The following SRGAP1 variants were observed in gnomAD, a reference collection of about 807,000 sequenced individuals.
SRGAP1 encodes the protein SLIT-ROBO Rho GTPase-activating protein 1.
A neutral mutation model predicts 121.9 loss-of-function variants in SRGAP1; 43 were observed. That is an observed-to-expected ratio of 0.35 (90% CI 0.28 to 0.46). SRGAP1 has a LOEUF of 0.46. Among genes scored for constraint, SRGAP1 ranks in the 20% least tolerant of loss-of-function variants. SRGAP1 has a pLI of 1.00. For missense variants in SRGAP1, 1,102 were observed against 1,350.9 expected, an observed-to-expected ratio of 0.82 and a Z score of 2.89; for synonymous variants, 447 against 485.4, an observed-to-expected ratio of 0.92 and a Z score of 1.04.
intron 1 of SRGAP1, among the ~76,000 whole-genome samples, chr12:63,903,980 A>G (rs1002935205): frequency 1.3e-5 from 2 of 152,150 alleles, no homozygotes; most frequent in African/African-American, 4.8e-5. Context: ...AATATTTTAT[A>G]TACTATATAT....
chr12:63,930,886 A>T (rs572815422), intron 1 of SRGAP1, among the ~76,000 whole-genome samples: 2 of 152,190 alleles, frequency 1.3e-5, no homozygotes. Context: ...TTTCCCATAA[A>T]TGTTCAATTT....
intron 2 of SRGAP1, among the ~76,000 whole-genome samples, chr12:63,987,003 G>GTT (rs1474550909): frequency 6.6e-6 from 1 of 152,192 alleles, no homozygotes; most frequent in Non-Finnish European, 1.5e-5. Context: ...CCAGACTTGG[G>GTT]TTTGAATATT....
chr12:63,889,138 ATATC>A (rs1254075617), intron 1 of SRGAP1, among the ~76,000 whole-genome samples: 1 of 152,120 alleles, frequency 6.6e-6, no homozygotes, highest in Non-Finnish European at 1.5e-5. Flanking sequence ...CATGGGGACA[ATATC>A]TATCTGCAAG....
Position 64,146,645 on chromosome 12 carries a change from A to G in SRGAP1, c.*3973A>G, listed in dbSNP as rs1242052302. The G allele has an allele frequency of 6.6e-6, 1 of 152,168 alleles. No individual in the cohort carries two copies. Among genetic ancestry groups the G allele is most frequent in the East Asian group, 1.9e-4 (1 of 5,182 alleles). The allele number at this position is 152,168 out of a possible 1,614,324, so 9.4% of individuals were successfully genotyped here. ...TGTGCAGGAAATGTGCTTAGGACTCAGTCTTGTTTTCGATTATCCACCACA... is the reference window on the plus strand; with the variant it reads ...TGTGCAGGAAATGTGCTTAGGACTCGGTCTTGTTTTCGATTATCCACCACA... On this transcript the variant is annotated 3_prime_UTR_variant, in exon 22 of 22. Transcript: ENST00000355086.
intron 1 of SRGAP1, among the ~76,000 whole-genome samples, chr12:63,934,376 C>G (rs2031587447): frequency 6.6e-6 from 1 of 152,114 alleles, no homozygotes; most frequent in Non-Finnish European, 1.5e-5. Context: ...ATGGCTTCCC[C>G]CATCTCTCTT....
chr12:64,056,159 A>G (rs1473176983), intron 6 of SRGAP1, among the ~76,000 whole-genome samples: 1 of 152,048 alleles, frequency 6.6e-6, no homozygotes, highest in African/African-American at 2.4e-5. Flanking sequence ...TTCATCAGCA[A>G]ATCCTGTCAT....
intron 1 of SRGAP1, among the ~76,000 whole-genome samples, chr12:63,918,604 A>G (rs771910945): frequency 5.3e-5 from 8 of 152,078 alleles, no homozygotes; most frequent in African/African-American, 1.9e-4. Flanking sequence ...TTTTGTAGAG[A>G]TGAAGTTTTA....
chr12:63,900,292 GC>G (rs368393696), intron 1 of SRGAP1, among the ~76,000 whole-genome samples: 29 of 144,404 alleles, frequency 2.0e-4, no homozygotes, highest in African/African-American at 7.4e-4. Flanking sequence ...TGCAGCCTCT[GC>G]CTCCCGGGTT....
intron 4 of SRGAP1, among the ~76,000 whole-genome samples, chr12:64,018,595 T>C (rs1411744667): frequency 6.6e-6 from 1 of 152,230 alleles, no homozygotes; most frequent in Non-Finnish European, 1.5e-5. Flanking sequence ...TTCTAGTTTT[T>C]TACTATGTGT....
intron 1 of SRGAP1, among the ~76,000 whole-genome samples, chr12:63,851,398 G>C (rs556969956): frequency 6.6e-6 from 1 of 152,136 alleles, no homozygotes; most frequent in South Asian, 2.1e-4. Flanking sequence ...TTCGAGACCA[G>C]CCTGGTCAAC....
Position 63,856,783 on chromosome 12 carries a change from C to A in SRGAP1, c.67+11900C>A, listed in dbSNP as rs551806508. ...AAGTATCTTCTGATCTTGCTCCTTT[C>A]TCTTCCAAGTAAATTTTAGAATTAG... On this transcript the variant is annotated intron_variant, in intron 1 of 21. Coordinates refer to ENST00000355086, the MANE Select transcript of SRGAP1 (RefSeq NM_020762.4). Among the ~76,000 whole-genome samples, 8 of 152,314 alleles carry A rather than the reference C, an allele frequency of 5.3e-5. 1 individual carries two copies. In the South Asian group the frequency reaches 1.7e-3, roughly 32 times the overall value.
intron 8 of SRGAP1, 142 bp downstream of exon 8, chr12:64,065,361 C>T: frequency 2.7e-6 from 2 of 731,414 alleles, no homozygotes; most frequent in Non-Finnish European, 4.6e-6. Context: ...TCCTGTAGTA[C>T]TCTTTGTAGG....
chr12:63,965,578 G>T (rs932502231), intron 1 of SRGAP1, among the ~76,000 whole-genome samples: 1 of 152,088 alleles, frequency 6.6e-6, no homozygotes, highest in Non-Finnish European at 1.5e-5. Context: ...GGCTGAGGCA[G>T]GAGGGTCACT....
intron 1 of SRGAP1, among the ~76,000 whole-genome samples, chr12:63,896,149 G>C (rs1189842727): frequency 6.6e-6 from 1 of 152,036 alleles, no homozygotes; most frequent in Non-Finnish European, 1.5e-5. Flanking sequence ...TTATATAAAA[G>C]GACATATGCC....
intron 1 of SRGAP1, among the ~76,000 whole-genome samples, chr12:63,854,738 A>C (rs1318098351): frequency 6.6e-6 from 1 of 152,174 alleles, no homozygotes; most frequent in East Asian, 1.9e-4. Context: ...CAGTGCATAA[A>C]AAATACTACA....
intron 1 of SRGAP1, among the ~76,000 whole-genome samples, chr12:63,884,617 C>T (rs1194275828): frequency 1.3e-5 from 2 of 151,958 alleles, no homozygotes; most frequent in Non-Finnish European, 2.9e-5. Context: ...CCCTGCTGTG[C>T]AGTAGAACAC....
intron 15 of SRGAP1, among the ~76,000 whole-genome samples, chr12:64,098,828 T>C (rs1051705565): frequency 1.3e-5 from 2 of 152,218 alleles, no homozygotes; most frequent in East Asian, 3.8e-4. Context: ...GTACATATGC[T>C]GGGCCATTTC....
chr12:64,083,824 C>T (rs1163929497), intron 10 of SRGAP1, among the ~76,000 whole-genome samples: 1 of 152,124 alleles, frequency 6.6e-6, no homozygotes, highest in Non-Finnish European at 1.5e-5. Context: ...AAATCTGATA[C>T]TAGGAGCTGA....
intron 1 of SRGAP1, among the ~76,000 whole-genome samples, chr12:63,907,339 C>A (rs2030262462): frequency 6.6e-6 from 1 of 151,934 alleles, no homozygotes; most frequent in Non-Finnish European, 1.5e-5. Context: ...GAGTTCGAGA[C>A]CAGCTTGGCC....
Sources: gnomAD v4.1 joint callset for allele counts (sites outside exome capture counted in the v4.1 genomes callset) on GRCh38, gnomAD v4.1.1 for gene constraint, MANE v1.5 for transcripts, NCBI Gene and HGNC (gene_info 2026-07-23, HGNC 2026-07-21) for gene names.